Variants in DLGAP2 observed in about 807,000 individuals in gnomAD.
DLGAP2 encodes disks large-associated protein 2.
Under a neutral mutation model 100.3 loss-of-function variants are expected in DLGAP2, and 26 were observed. The ratio of observed to expected loss-of-function variants is 0.26; its 90% CI spans 0.19 to 0.36. The LOEUF is 0.36. Among genes scored for constraint, DLGAP2 ranks in the 10% least tolerant of loss-of-function variants. The probability of loss-of-function intolerance (pLI) is 1.00; values close to 1 mark genes in which losing one functional copy is unlikely to be tolerated. For synonymous variants in DLGAP2, 886 were observed against 630.1 expected, an observed-to-expected ratio of 1.41 and a Z score of -6.08; for missense variants, 1,858 against 1,453.2, an observed-to-expected ratio of 1.28 and a Z score of -4.53.
chr8:1,128,158 CCGGTGTTGTGTT>C (rs1294012785), intron 2 of DLGAP2, among the ~76,000 whole-genome samples: 1 of 151,804 alleles, frequency 6.6e-6, no homozygotes, highest in Non-Finnish European at 1.5e-5. Context: ...GGACCTGCTC[CCGGTGTTGTGTT>C]CCGTGAGGAC....
chr8:1,429,058 G>A lies in DLGAP2; in HGVS notation c.107-72308G>A, dbSNP rs1201337617. On this transcript the variant is annotated intron_variant, in intron 3 of 14. Transcript: ENST00000637795. ...GCAGCACCAGACTGCAAGCAGTGTA[G>A]CACTTCTCTAGGGCTTCAGAGGTGA... is the stretch of plus-strand genomic sequence containing the variant. 2.0e-5 allele frequency among the ~76,000 whole-genome samples: 3 copies of A among 152,322 alleles called. No homozygotes were observed. The South Asian group carries it at 6.2e-4, about 32-fold the overall frequency.
chr8:1,415,567 G>A lies in DLGAP2; in HGVS notation c.107-85799G>A, dbSNP rs543510853. ...TATAAGTGAGAACACGTGGTGTCTG[G>A]CTTTCTGTTCCTGTGGTAATTCACT... On this transcript the variant is annotated intron_variant, in intron 3 of 14. Coordinates refer to ENST00000637795, the MANE Select transcript of DLGAP2 (RefSeq NM_001346810.2). 6.6e-5 allele frequency among the ~76,000 whole-genome samples: 10 copies of A among 152,240 alleles called. No homozygotes were observed. In the South Asian group the frequency reaches 2.1e-3, roughly 32 times the overall value.
rs75015116 is a variant in DLGAP2 at position 1,198,375 on chromosome 8, C to G, written c.74-60476C>G. Among the ~76,000 whole-genome samples the G allele has an allele frequency of 4.1e-3, 620 of 152,256 alleles. 1 individual carries two copies. Among genetic ancestry groups the G allele is most frequent in the African/African-American group, 0.014 (595 of 41,532 alleles). On this transcript the variant is annotated intron_variant, in intron 2 of 14. Transcript: ENST00000637795. ...GTCGTGGGGCGTCACGCATGTTGCA[C>G]CACTGCTTTCCACAGAGAGCTGCCT...
At chr8:1,224,831 G>C (rs913973857) in intron 2 of DLGAP2, among the ~76,000 whole-genome samples, 9 of 152,240 alleles carry the variant, frequency 5.9e-5, no homozygotes, top group African/African-American at 1.9e-4. Flanking sequence ...CACGTGATAA[G>C]ATGCTTAAAA....
intron 4 of DLGAP2, among the ~76,000 whole-genome samples, chr8:1,539,221 A>G (rs1801267468): frequency 6.6e-6 from 1 of 152,160 alleles, no homozygotes; most frequent in African/African-American, 2.4e-5. Flanking sequence ...TTCATAACTA[A>G]CAGCATGTCC....
chr8:1,240,798 T>C (rs75766609), intron 2 of DLGAP2, among the ~76,000 whole-genome samples: 204 of 2,400 alleles, frequency 0.085, 34 homozygotes, highest in African/African-American at 0.15. Context: ...TTCTAGTTCT[T>C]TCACATGGCG....
chr8:839,688 A>G (rs1239038539), intron 1 of DLGAP2, among the ~76,000 whole-genome samples: 9 of 152,144 alleles, frequency 5.9e-5, no homozygotes, highest in Non-Finnish European at 1.3e-4. Flanking sequence ...CGTCCTGGTC[A>G]GCACCCTTGC....
At chr8:924,285 G>A (rs1313428012) in intron 2 of DLGAP2, among the ~76,000 whole-genome samples, 1 of 152,208 alleles carries the variant, frequency 6.6e-6, no homozygotes, top group Non-Finnish European at 1.5e-5. Flanking sequence ...GTAGAAGACA[G>A]TGAGGCCATC....
intron 5 of DLGAP2, among the ~76,000 whole-genome samples, chr8:1,557,537 G>A (rs1445467958): frequency 3.9e-5 from 6 of 152,110 alleles, no homozygotes; most frequent in East Asian, 1.9e-4. Flanking sequence ...TCTCCGCACC[G>A]AGGCAAGGAG....
intron 6 of DLGAP2, among the ~76,000 whole-genome samples, chr8:1,588,990 C>G (rs1234420413): frequency 6.6e-6 from 1 of 152,038 alleles, no homozygotes; most frequent in South Asian, 2.1e-4. Context: ...TAAAACACAC[C>G]TTCACATTCA....
At chr8:1,616,025 C>A (rs1797142386) in intron 6 of DLGAP2, among the ~76,000 whole-genome samples, 1 of 152,136 alleles carries the variant, frequency 6.6e-6, no homozygotes, top group Non-Finnish European at 1.5e-5. Context: ...AGAAGAAGGT[C>A]TTAATGCCTG....
chr8:958,902 T>C (rs1472464796), intron 2 of DLGAP2, among the ~76,000 whole-genome samples: 1 of 152,184 alleles, frequency 6.6e-6, no homozygotes, highest in Non-Finnish European at 1.5e-5. Context: ...AATGAGAACA[T>C]AAGGTGGCTT....
intron 2 of DLGAP2, among the ~76,000 whole-genome samples, chr8:1,013,615 T>A (rs547770994): frequency 5.5e-4 from 78 of 142,404 alleles, no homozygotes; most frequent in African/African-American, 1.3e-3. Flanking sequence ...ACTGTGTGTG[T>A]GACCAGGACA....
At chr8:1,447,720 C>T (rs1210829128) in intron 3 of DLGAP2, among the ~76,000 whole-genome samples, 1 of 152,076 alleles carries the variant, frequency 6.6e-6, no homozygotes, top group African/African-American at 2.4e-5. Context: ...TGGTCCTGGA[C>T]TTTTTTTGGT....
At chr8:1,699,972 A>G (rs1381892015) in intron 14 of DLGAP2, among the ~76,000 whole-genome samples, 5 of 152,232 alleles carry the variant, frequency 3.3e-5, no homozygotes, top group Admixed American at 2.0e-4. Context: ...TATGTGCTGA[A>G]AAAAGGAATT....
At chr8:811,937 C>T (rs959376654) in intron 1 of DLGAP2, among the ~76,000 whole-genome samples, 3 of 152,226 alleles carry the variant, frequency 2.0e-5, no homozygotes, top group Non-Finnish European at 4.4e-5. Flanking sequence ...CGTGAATTGG[C>T]TTTTCCTTGA....
At chr8:813,245 T>C (rs548177351) in intron 1 of DLGAP2, among the ~76,000 whole-genome samples, 3 of 152,288 alleles carry the variant, frequency 2.0e-5, no homozygotes, top group Admixed American at 1.3e-4. Context: ...TCCTAGTGGT[T>C]TATATTTCCT....
chr8:1,148,108 G>C (rs544695735), intron 2 of DLGAP2, among the ~76,000 whole-genome samples: 19 of 152,148 alleles, frequency 1.2e-4, no homozygotes, highest in Non-Finnish European at 2.5e-4. Context: ...GTTCTCTTAT[G>C]TGAAGGTATA....
intron 8 of DLGAP2, among the ~76,000 whole-genome samples, chr8:1,664,489 C>T (rs1392248391): frequency 6.6e-6 from 1 of 152,170 alleles, no homozygotes; most frequent in Non-Finnish European, 1.5e-5. Context: ...ACACTGGGGC[C>T]AGGCTCTTAG....
Sources: allele counts gnomAD v4.1 joint callset (sites outside exome capture counted in the v4.1 genomes callset), GRCh38; gene constraint gnomAD v4.1.1; transcripts MANE v1.5; gene names NCBI Gene and HGNC (gene_info 2026-07-23, HGNC 2026-07-21).